The following CPNE4 variants were observed in gnomAD, a reference collection of about 807,000 sequenced individuals.
CPNE4 encodes copine 4.
Under a neutral mutation model 67.9 loss-of-function variants are expected in CPNE4, and 25 were observed. The ratio of observed to expected loss-of-function variants is 0.37; its 90% CI spans 0.27 to 0.51. The LOEUF (loss-of-function observed/expected upper bound fraction) is 0.51, where lower values mean the gene tolerates loss of function less well. CPNE4 is among the 20% of genes least tolerant of loss of function. The pLI, the probability that CPNE4 is intolerant of heterozygous loss-of-function variation, is 0.93. For synonymous variants in CPNE4, 242 were observed against 244.9 expected (o/e 0.99, Z 0.11); for missense variants, 464 against 690.8 (o/e 0.67, Z 3.68).
In CPNE4 at chr3:131,984,126, G is replaced by T. The variant is rs192247645; in HGVS notation, c.-2+50441C>A. ...TCACTATAACACATTAGCTAGGCAG[G>T]TAATGTTTTCCTTTCAGTTGAGACT... On this transcript the variant is annotated intron_variant, in intron 1 of 15. Transcript: ENST00000429747. 2.0e-3 allele frequency among the ~76,000 whole-genome samples: 309 copies of T among 152,220 alleles called. 1 individual carries two copies. The highest frequency in any genetic ancestry group is 5.4e-3 in the Admixed American group (83 of 15,284).
chr3:131,576,704 G>A (rs1268885982), intron 9 of CPNE4, among the ~76,000 whole-genome samples: 1 of 152,098 alleles, frequency 6.6e-6, no homozygotes, highest in Non-Finnish European at 1.5e-5. Flanking sequence ...GGGAAAGCAT[G>A]GGCAAACCAT....
intron 2 of CPNE4, among the ~76,000 whole-genome samples, chr3:131,807,805 T>G (rs1313452514): frequency 6.6e-6 from 1 of 152,118 alleles, no homozygotes; most frequent in Non-Finnish European, 1.5e-5. Context: ...GCAAAAGAAA[T>G]AGTAGAAAAT....
chr3:131,796,347 A>T (rs1403813316), intron 2 of CPNE4, among the ~76,000 whole-genome samples: 1 of 152,100 alleles, frequency 6.6e-6, no homozygotes, highest in African/African-American at 2.4e-5. Flanking sequence ...TTGCTGTTGA[A>T]TTGAATCTCT....
intron 7 of CPNE4, among the ~76,000 whole-genome samples, chr3:131,613,546 G>C (rs1393840384): frequency 6.6e-6 from 1 of 152,134 alleles, no homozygotes; most frequent in Non-Finnish European, 1.5e-5. Flanking sequence ...GGGGAAAATT[G>C]GCAAATATGA....
chr3:131,732,748 A>T (rs1240127568), intron 2 of CPNE4, among the ~76,000 whole-genome samples: 1 of 152,186 alleles, frequency 6.6e-6, no homozygotes. Flanking sequence ...TGGAACTTTG[A>T]TTGATTCCTT....
chr3:131,680,739 T>C (rs2080727746), intron 6 of CPNE4, among the ~76,000 whole-genome samples: 1 of 152,182 alleles, frequency 6.6e-6, no homozygotes, highest in Non-Finnish European at 1.5e-5. Flanking sequence ...AGTTCTTTAG[T>C]GGTGATTTGT....
intron 2 of CPNE4, among the ~76,000 whole-genome samples, chr3:131,881,693 A>T (rs1433587789): frequency 2.6e-5 from 4 of 152,126 alleles, no homozygotes; most frequent in Admixed American, 2.0e-4. Flanking sequence ...CACCTCAGTT[A>T]AATAAAATAT....
At chr3:131,652,536 T>TA (rs1430263454) in intron 7 of CPNE4, among the ~76,000 whole-genome samples, 1 of 152,190 alleles carries the variant, frequency 6.6e-6, no homozygotes. Context: ...GCATGCTTAT[T>TA]AAAAATGTGT....
At chr3:131,615,128 C>T (rs771807175) in intron 7 of CPNE4, among the ~76,000 whole-genome samples, 6 of 152,224 alleles carry the variant, frequency 3.9e-5, no homozygotes, top group East Asian at 3.9e-4. Context: ...TCTCAGATGA[C>T]GATATGCTAT....
intron 5 of CPNE4, among the ~76,000 whole-genome samples, chr3:131,686,642 G>A (rs2080897453): frequency 6.6e-6 from 1 of 152,146 alleles, no homozygotes; most frequent in Non-Finnish European, 1.5e-5. Flanking sequence ...GTCCTAAAAG[G>A]ACCCTAACTG....
chr3:131,552,076 A>C (rs976779326), intron 13 of CPNE4, among the ~76,000 whole-genome samples: 1 of 151,944 alleles, frequency 6.6e-6, no homozygotes, highest in Non-Finnish European at 1.5e-5. Flanking sequence ...AAAAAAAAAA[A>C]AAAAAACACT....
At chr3:131,540,558 T>C (rs1407357067) in intron 15 of CPNE4, among the ~76,000 whole-genome samples, 1 of 152,210 alleles carries the variant, frequency 6.6e-6, no homozygotes, top group Non-Finnish European at 1.5e-5. Flanking sequence ...GGATCATTGT[T>C]TTGATGATCC....
At chr3:131,959,995 A>ATGGAATCTGAATAT (rs1222220495) in intron 1 of CPNE4, among the ~76,000 whole-genome samples, 1 of 152,228 alleles carries the variant, frequency 6.6e-6, no homozygotes, top group East Asian at 1.9e-4. Flanking sequence ...TATTCAGATC[A>ATGGAATCTGAATAT]TTAAAATGAT....
At chr3:131,971,370 A>G (rs2107948320) in intron 1 of CPNE4, among the ~76,000 whole-genome samples, 1 of 152,310 alleles carries the variant, frequency 6.6e-6, no homozygotes, top group South Asian at 2.1e-4. Context: ...CACAGAAGGA[A>G]CGGTAATTCC....
chr3:132,021,601 CA>C (rs1399515311), intron 1 of CPNE4, among the ~76,000 whole-genome samples: 3 of 152,110 alleles, frequency 2.0e-5, no homozygotes, highest in African/African-American at 7.2e-5. Flanking sequence ...AGTATTTCTA[CA>C]AAACTTTATT....
chr3:131,918,526 G>A (rs1352295892), intron 1 of CPNE4, among the ~76,000 whole-genome samples: 1 of 152,034 alleles, frequency 6.6e-6, no homozygotes, highest in Non-Finnish European at 1.5e-5. Flanking sequence ...CATTAAAATA[G>A]CCATAGACAG....
intron 2 of CPNE4, among the ~76,000 whole-genome samples, chr3:131,741,555 A>T (rs2082355701): frequency 6.6e-6 from 1 of 152,206 alleles, no homozygotes; most frequent in African/African-American, 2.4e-5. Flanking sequence ...ATGAGGTAAA[A>T]GGCAAAAGTC....
intron 14 of CPNE4, among the ~76,000 whole-genome samples, chr3:131,548,650 T>G (rs1451126116): frequency 6.6e-6 from 1 of 152,024 alleles, no homozygotes; most frequent in Non-Finnish European, 1.5e-5. Context: ...TGGGAATATA[T>G]TTGGTGTGTT....
chr3:131,709,451 A>T (rs1276764016), intron 3 of CPNE4, among the ~76,000 whole-genome samples: 1 of 152,136 alleles, frequency 6.6e-6, no homozygotes, highest in Non-Finnish European at 1.5e-5. Context: ...CAATCATTTA[A>T]ATGCCCTATC....
Sources: allele counts gnomAD v4.1 joint callset (sites outside exome capture counted in the v4.1 genomes callset), GRCh38; gene constraint gnomAD v4.1.1; transcripts MANE v1.5; gene names NCBI Gene and HGNC (gene_info 2026-07-23, HGNC 2026-07-21).